Variants in SPTB observed in about 807,000 individuals in gnomAD.
SPTB encodes the protein spectrin beta, erythrocytic, also known as spectrin beta chain, erythrocytic.
Under a neutral mutation model 256.2 loss-of-function variants are expected in SPTB, and 45 were observed. The observed-to-expected ratio is 0.18, with a 90% CI of 0.14 to 0.23. The LOEUF is 0.23. SPTB is among the 10% of genes least tolerant of loss of function. The pLI, the probability that SPTB is intolerant of heterozygous loss-of-function variation, is 1.00. For synonymous variants in SPTB, 1,231 were observed against 1,243.1 expected (o/e 0.99, Z 0.21); for missense variants, 2,715 against 3,040.4 (o/e 0.89, Z 2.52).
chr14:64,846,738 C>T (rs2083699824), intron 1 of SPTB, among the ~76,000 whole-genome samples: 1 of 152,192 alleles, frequency 6.6e-6, no homozygotes, highest in Non-Finnish European at 1.5e-5. Context: ...GGATCATATA[C>T]ATTCATGTCT....
intron 1 of SPTB, among the ~76,000 whole-genome samples, chr14:64,840,399 G>C (rs1239070831): frequency 6.6e-6 from 1 of 152,202 alleles, no homozygotes; most frequent in Non-Finnish European, 1.5e-5. Flanking sequence ...CATTCGTTTA[G>C]ATTCACGCTT....
intron 9 of SPTB, 90 bp downstream of exon 9, chr14:64,799,657 C>T: frequency 6.8e-7 from 1 of 1,470,878 alleles, no homozygotes; most frequent in Middle Eastern, 2.4e-4. Context: ...CTTGTGGACA[C>T]ACTTCATAAG....
In SPTB at chr14:64,777,942, A is replaced by G. The variant is rs184120822; in HGVS notation, c.4563+1215T>C. ...CAGGGGAGTTAAAAACCTTTGAACA[A>G]TAACACTTACAGAGGCTGCATAGAA... On this transcript the variant is annotated intron_variant, in intron 22 of 35. Coordinates refer to ENST00000644917, the MANE Select transcript of SPTB (RefSeq NM_001355436.2). This position sits in a 1 kb window ranked among gnomAD's most constrained non-coding sequence, Gnocchi z 4.5. 7.4e-4 allele frequency among the ~76,000 whole-genome samples: 112 copies of G among 152,286 alleles called. No individual in the cohort carries two copies. The highest frequency in any genetic ancestry group is 1.2e-3 in the Non-Finnish European group (80 of 68,024).
Position 64,764,883 on chromosome 14 carries a change from G to A in SPTB, c.6345+1843C>T, listed in dbSNP as rs150220138. On this transcript the variant is annotated intron_variant, in intron 32 of 35. Coordinates refer to ENST00000644917, the MANE Select transcript of SPTB (RefSeq NM_001355436.2). The surrounding 1 kb of genome is among the most constrained non-coding windows in gnomAD (Gnocchi z 4.2). ...CACAGACAGGGAGGCGACCCCACAT[G>A]CGATGACGGGAGCTTCGGAGGGAAC... Among the ~76,000 whole-genome samples, 1,477 of 152,254 alleles carry A rather than the reference G, an allele frequency of 9.7e-3. 13 individuals are homozygous for A. Among genetic ancestry groups the A allele is most frequent in the Admixed American group, 0.012 (190 of 15,300 alleles).
chr14:64,792,338 G>A lies in SPTB; in HGVS notation c.2667-482C>T, dbSNP rs774869890. ...GAAAAGCTGCTGGGGCGGTGGTCGG[G>A]GGGAATTTGTGGTTCTGAAGGCCGA... is the stretch of plus-strand genomic sequence containing the variant. On this transcript the variant is annotated intron_variant, in intron 14 of 35. Coordinates refer to ENST00000644917, the MANE Select transcript of SPTB (RefSeq NM_001355436.2). The surrounding 1 kb of genome is among the most constrained non-coding windows in gnomAD (Gnocchi z 4.2). Among the ~76,000 whole-genome samples the A allele has an allele frequency of 2.1e-4, 32 of 152,218 alleles. No homozygotes were observed. Among genetic ancestry groups the A allele is most frequent in the Admixed American group, 6.5e-4 (10 of 15,292 alleles).
intron 33 of SPTB, chr14:64,752,270 ATCC>A (rs1173733506): frequency 1.5e-6 from 2 of 1,342,006 alleles, no homozygotes; most frequent in South Asian, 2.3e-5. Flanking sequence ...CCTCCTCTTC[ATCC>A]TCCTCTTCTG....
At chr14:64,781,548 T>TA (rs2082471669) in intron 20 of SPTB, among the ~76,000 whole-genome samples, 1 of 152,148 alleles carries the variant, frequency 6.6e-6, no homozygotes, top group Admixed American at 6.5e-5. Context: ...TGGCTATTAT[T>TA]AAAAAGTCAA....
Position 64,827,747 on chromosome 14 carries a change from C to T in SPTB, c.-51-4602G>A, listed in dbSNP as rs2083396462. 6.6e-6 allele frequency among the ~76,000 whole-genome samples: 1 copy of T among 152,174 alleles called. No homozygotes were observed. Among genetic ancestry groups the T allele is most frequent in the Non-Finnish European group, 1.5e-5 (1 of 68,034 alleles). On this transcript the variant is annotated intron_variant, in intron 1 of 35. Transcript: ENST00000644917. This position sits in a 1 kb window ranked among gnomAD's most constrained non-coding sequence, Gnocchi z 4.6. ...CTCTAAATCTATCTGCAGCCCTAAC[C>T]TCCTCCCTACTCTCAAGCTCTAGTC... is the stretch of plus-strand genomic sequence containing the variant.
chr14:64,842,866 T>C (rs767392936), intron 1 of SPTB, among the ~76,000 whole-genome samples: 1 of 152,066 alleles, frequency 6.6e-6, no homozygotes, highest in South Asian at 2.1e-4. Context: ...ACCCAGGAGT[T>C]TGAGACCAGC....
chr14:64,754,127 A>G, intron 32 of SPTB: 1 of 433,904 alleles, frequency 2.3e-6, no homozygotes, highest in Non-Finnish European at 4.3e-6. Flanking sequence ...AAGGGGTGTG[A>G]GGGGGGGCAG....
intron 32 of SPTB, chr14:64,754,395 T>C (rs1286876084): frequency 6.0e-6 from 1 of 166,944 alleles, no homozygotes; most frequent in Non-Finnish European, 1.3e-5. Context: ...AGGTCCTTTC[T>C]CCATCATTTG....
In SPTB at chr14:64,786,992, G is replaced by A. The variant is rs762131345; in HGVS notation, c.2973C>T (p.Ile991=). 16 of 1,613,974 alleles carry A rather than the reference G, an allele frequency of 9.9e-6. No individual in the cohort carries two copies. The Admixed American group carries it at 1.2e-4, about 12-fold the overall frequency. The change falls in exon 16 of 36, where the codon ATC becomes ATT. Residue 991 remains isoleucine, a synonymous_variant. Transcript: ENST00000644917. The surrounding 1 kb of genome is among the most constrained non-coding windows in gnomAD (Gnocchi z 5.6). ...KDLGRDLAGI[I]AIQRKLSGLE... is the part of the protein sequence containing the mutation. ...GCCCTGACAACTTCCTCTGGATGGC[G>A]ATGATACCTGCCAGGTCCCGCCCCA...
In SPTB at chr14:64,764,016, A is replaced by C. The variant is rs2082130987; in HGVS notation, c.6345+2710T>G. Among the ~76,000 whole-genome samples the C allele has an allele frequency of 6.6e-6, 1 of 152,200 alleles. No individual in the cohort carries two copies. Among genetic ancestry groups the C allele is most frequent in the Non-Finnish European group, 1.5e-5 (1 of 68,036 alleles). ...CAGTTCCCCCCAGCAGGAAGCCGAC[A>C]TGCACAGTGAGGGATTGTACATGAA... On this transcript the variant is annotated intron_variant, in intron 32 of 35. Coordinates refer to ENST00000644917, the MANE Select transcript of SPTB (RefSeq NM_001355436.2). This position sits in a 1 kb window ranked among gnomAD's most constrained non-coding sequence, Gnocchi z 4.2.
intron 10 of SPTB, 63 bp downstream of exon 10, chr14:64,797,666 C>T (rs2082802157): frequency 7.9e-7 from 1 of 1,261,858 alleles, no homozygotes; most frequent in Non-Finnish European, 1.2e-6. Context: ...TGACCATTCA[C>T]TGTGTCCTTA....
chr14:64,754,133 G>T (rs1482554837), intron 32 of SPTB: 1 of 425,868 alleles, frequency 2.3e-6, no homozygotes, highest in Non-Finnish European at 4.4e-6. Context: ...TGTGAGGGGG[G>T]GCAGGTTCCA....
chr14:64,749,305 G>A lies in SPTB; in HGVS notation c.*1C>T, dbSNP rs746861808. The stretch of plus-strand genomic sequence containing the variant: ...TCCGCCGCGCCCGCCAGCCCCACCT[G>A]CTACTTCTTTTTGGGGAAGAAGCTG... On this transcript the variant is annotated 3_prime_UTR_variant, in exon 36 of 36. Transcript: ENST00000644917. This position sits in a 1 kb window ranked among gnomAD's most constrained non-coding sequence, Gnocchi z 4.7. 8.8e-6 allele frequency: 14 copies of A among 1,598,674 alleles called. No individual in the cohort carries two copies. In the East Asian group the frequency reaches 2.7e-4, roughly 31 times the overall value.
At chr14:64,753,243 A>G (rs1340163401) in intron 33 of SPTB, among the ~76,000 whole-genome samples, 1 of 152,214 alleles carries the variant, frequency 6.6e-6, no homozygotes, top group East Asian at 1.9e-4. Context: ...ATCTGTAGTG[A>G]AAAGACATAC....
Position 64,793,897 on chromosome 14 carries a change from G to A in SPTB, c.1796-30C>T. ...AAGAAATAGGGGGAAGGAGGACAAA[G>A]TGGGGGATGGGCTTCATTTATGGGC... On this transcript the variant is annotated intron_variant, in intron 13 of 35. Coordinates refer to ENST00000644917, the MANE Select transcript of SPTB (RefSeq NM_001355436.2). The surrounding 1 kb of genome is among the most constrained non-coding windows in gnomAD (Gnocchi z 7.0). 6.3e-7 allele frequency: 1 copy of A among 1,582,086 alleles called. No individual in the cohort carries two copies. Among genetic ancestry groups the A allele is most frequent in the South Asian group, 1.1e-5 (1 of 88,682 alleles).
At chr14:64,763,283 T>G (rs1479085899) in intron 32 of SPTB, among the ~76,000 whole-genome samples, 3 of 152,220 alleles carry the variant, frequency 2.0e-5, no homozygotes, top group African/African-American at 7.2e-5. Context: ...CAGGTCTGCC[T>G]GCCCACTGCC....
Sources: allele counts gnomAD v4.1 joint callset (sites outside exome capture counted in the v4.1 genomes callset), GRCh38; gene constraint gnomAD v4.1.1; non-coding constraint Gnocchi (gnomAD v3.1); transcripts MANE v1.5; gene names NCBI Gene and HGNC (gene_info 2026-07-23, HGNC 2026-07-21).